Variants in PAM observed in about 807,000 individuals in gnomAD.
The protein encoded by PAM is peptidyl-glycine alpha-amidating monooxygenase.
PAM carries 72 observed loss-of-function variants against 122.1 expected under a neutral mutation model. The ratio of observed to expected loss-of-function variants is 0.59; its 90% CI spans 0.49 to 0.72. PAM has a LOEUF of 0.72. Ranked by LOEUF, PAM falls within the 30% of genes least tolerant of loss-of-function variation. The pLI is 0.00. For synonymous variants in PAM, 389 were observed against 404.4 expected, an observed-to-expected ratio of 0.96 and a Z score of 0.46; for missense variants, 1,106 against 1,183.7, an observed-to-expected ratio of 0.93 and a Z score of 0.96.
chr5:102,987,908 C>G lies in PAM; in HGVS notation c.1484-2364C>G, dbSNP rs1489120118. Among the ~76,000 whole-genome samples, 4 of 152,154 alleles carry G rather than the reference C, an allele frequency of 2.6e-5. No homozygotes were observed. In the East Asian group the frequency reaches 7.7e-4, roughly 29 times the overall value. On this transcript the variant is annotated intron_variant, in intron 15 of 25. Transcript: ENST00000438793. ...AGTGACAATGACATTTTCATATGCT[C>G]TAAAATATTTCTAAAGCAAATTATT...
chr5:102,848,539 G>A (rs1321271426), intron 1 of PAM, among the ~76,000 whole-genome samples: 1 of 152,186 alleles, frequency 6.6e-6, no homozygotes, highest in Admixed American at 6.5e-5. Context: ...AGCAGCACCA[G>A]ACAGCTTTTT....
intron 1 of PAM, among the ~76,000 whole-genome samples, chr5:102,758,073 GTTTTTTTTTTTTTT>G (rs1168917285): frequency 0.097 from 2,413 of 24,862 alleles, 151 homozygotes; most frequent in African/African-American, 0.25. Flanking sequence ...TTAGAATTTT[GTTTTTTTTTTTTTT>G]TTTTTTTTTT....
Position 102,866,162 on chromosome 5 carries a change from G to T in PAM, c.-34G>T. On this transcript the variant is annotated 5_prime_UTR_variant, in exon 2 of 26. Transcript: ENST00000438793. ...GCCCCAGCCCCGCGCTGCGCTGCCC[G>T]GTCCTCTCCCGGCGGGGTCGTATCG... 2.0e-6 allele frequency: 3 copies of T among 1,487,552 alleles called. No individual in the cohort carries two copies. The highest frequency in any genetic ancestry group is 1.9e-6 in the Non-Finnish European group (2 of 1,068,634). The allele number at this position is 1,487,552 out of a possible 1,614,324, so 92.1% of individuals were successfully genotyped here.
At chr5:102,784,974 C>G (rs918799468) in intron 1 of PAM, among the ~76,000 whole-genome samples, 1 of 152,260 alleles carries the variant, frequency 6.6e-6, no homozygotes, top group South Asian at 2.1e-4. Flanking sequence ...TTAAAAACAA[C>G]AAAAAAGCAA....
At chr5:102,797,109 C>A (rs1220671687) in intron 1 of PAM, among the ~76,000 whole-genome samples, 1 of 152,148 alleles carries the variant, frequency 6.6e-6, no homozygotes, top group Non-Finnish European at 1.5e-5. Context: ...CTTTAACATA[C>A]CAAAGGACTG....
intron 3 of PAM, among the ~76,000 whole-genome samples, chr5:102,877,862 C>T (rs914521427): frequency 3.9e-5 from 6 of 151,920 alleles, no homozygotes; most frequent in African/African-American, 1.5e-4. Context: ...ATCCCCATCT[C>T]TACAAAAATT....
rs1270517214 is a variant in PAM at position 102,990,276 on chromosome 5, C to A, written c.1488C>A (p.Phe496Leu). 6.5e-7 allele frequency: 1 copy of A among 1,541,016 alleles called. No individual in the cohort carries two copies. Among genetic ancestry groups the A allele is most frequent in the Non-Finnish European group, 8.8e-7 (1 of 1,135,390 alleles). Residue 496 changes from phenylalanine (F) to leucine (L), a missense_variant, in exon 16 of 26, where the codon TTC (phenylalanine) becomes TTA (leucine). This residue lies in a region of PAM where 670 missense variants were observed against 690.3 expected (regional missense o/e 0.97). Transcript: ENST00000438793. ...ATGTGTGGATATATCTTTTAGATTT[C>A]CACATGGAAGAGGCACTGGATTGGC... ...GTWEPEHTGDFHMEEALDWPG... is the reference protein window; with the variant it reads ...GTWEPEHTGDLHMEEALDWPG...
chr5:103,000,752 GA>G (rs1344791351), intron 16 of PAM, among the ~76,000 whole-genome samples: 1 of 152,064 alleles, frequency 6.6e-6, no homozygotes, highest in Non-Finnish European at 1.5e-5. Flanking sequence ...GCAAAAGGGG[GA>G]AAAGCTCCTT....
At chr5:102,838,377 G>T (rs1777658562) in intron 1 of PAM, 1 of 152,052 alleles carries the variant, frequency 6.6e-6, no homozygotes, top group African/African-American at 2.4e-5. Flanking sequence ...CACACTTGAA[G>T]TCTACTTTTA....
chr5:103,027,076 T>A (rs1053973791), intron 24 of PAM, among the ~76,000 whole-genome samples: 3 of 152,182 alleles, frequency 2.0e-5, no homozygotes, highest in Non-Finnish European at 4.4e-5. Flanking sequence ...GTAGTAGTAG[T>A]AGATCAGCTT....
At chr5:102,815,765 T>C (rs1167465161) in intron 1 of PAM, among the ~76,000 whole-genome samples, 1 of 152,222 alleles carries the variant, frequency 6.6e-6, no homozygotes, top group Non-Finnish European at 1.5e-5. Flanking sequence ...TGAACTGTTG[T>C]TGAAAGACTG....
chr5:102,777,999 G>A (rs1019315193), intron 1 of PAM, among the ~76,000 whole-genome samples: 8 of 152,100 alleles, frequency 5.3e-5, no homozygotes, highest in African/African-American at 1.9e-4. Context: ...TTCTGCAGGC[G>A]GAATTGTGGA....
chr5:102,803,937 G>A (rs1425543559), intron 1 of PAM, among the ~76,000 whole-genome samples: 4 of 152,184 alleles, frequency 2.6e-5, no homozygotes, highest in Admixed American at 1.3e-4. Flanking sequence ...TAAGAACACC[G>A]AAAATTCTGA....
intron 1 of PAM, among the ~76,000 whole-genome samples, chr5:102,777,009 A>G (rs1211449901): frequency 1.3e-5 from 2 of 151,990 alleles, no homozygotes; most frequent in Non-Finnish European, 2.9e-5. Flanking sequence ...TTTTATTCTA[A>G]TTGTTTTATA....
At chr5:102,830,309 C>T (rs1775054011) in intron 1 of PAM, among the ~76,000 whole-genome samples, 2 of 152,090 alleles carry the variant, frequency 1.3e-5, no homozygotes, top group African/African-American at 4.8e-5. Flanking sequence ...TGGATGGTTT[C>T]TACCTGTTGG....
intron 1 of PAM, among the ~76,000 whole-genome samples, chr5:102,848,857 T>C (rs935381917): frequency 5.9e-5 from 9 of 152,118 alleles, no homozygotes; most frequent in African/African-American, 2.2e-4. Flanking sequence ...GAGATAAATG[T>C]GGAACAGAAA....
At chr5:102,764,978 T>C (rs1230468068) in intron 1 of PAM, among the ~76,000 whole-genome samples, 7 of 152,252 alleles carry the variant, frequency 4.6e-5, no homozygotes, top group Non-Finnish European at 8.8e-5. Flanking sequence ...TTTGGCATTG[T>C]TTTTATTCAT....
intron 15 of PAM, among the ~76,000 whole-genome samples, chr5:102,987,933 T>TC (rs1458415370): frequency 6.6e-6 from 1 of 152,206 alleles, no homozygotes; most frequent in Non-Finnish European, 1.5e-5. Context: ...AGCAAATTAT[T>TC]CCCTCTGTGC....
At chr5:102,799,959 G>T (rs1374931287) in intron 1 of PAM, among the ~76,000 whole-genome samples, 1 of 152,218 alleles carries the variant, frequency 6.6e-6, no homozygotes, top group East Asian at 1.9e-4. Flanking sequence ...GCTTTACAGA[G>T]ATTTGTGTTA....
Sources: allele counts gnomAD v4.1 joint callset (sites outside exome capture counted in the v4.1 genomes callset), GRCh38; gene constraint gnomAD v4.1.1; regional missense constraint gnomAD v4.1.1; transcripts MANE v1.5; gene names NCBI Gene and HGNC (gene_info 2026-07-23, HGNC 2026-07-21).